Variants in SEMA4D observed in about 807,000 individuals in gnomAD.
The protein encoded by SEMA4D is semaphorin 4D, also known as semaphorin-4D.
SEMA4D carries 22 observed loss-of-function variants against 74.8 expected under a neutral mutation model. That is an observed-to-expected ratio of 0.29 (90% CI 0.21 to 0.42). SEMA4D has a LOEUF of 0.42. SEMA4D is among the 10% of genes least tolerant of loss of function. The probability of loss-of-function intolerance (pLI) is 1.00; values close to 1 mark genes in which losing one functional copy is unlikely to be tolerated. For synonymous variants in SEMA4D, 445 were observed against 463.7 expected (o/e 0.96, Z 0.52); for missense variants, 937 against 1,118.4 (o/e 0.84, Z 2.31).
At chr9:89,449,080 C>T (rs1853676569) in intron 2 of SEMA4D, among the ~76,000 whole-genome samples, 1 of 152,166 alleles carries the variant, frequency 6.6e-6, no homozygotes, top group South Asian at 2.1e-4. Flanking sequence ...AAGGGAGACA[C>T]AAGCCCGGAT....
chr9:89,444,925 T>C (rs1416363448), intron 2 of SEMA4D, among the ~76,000 whole-genome samples: 2 of 151,902 alleles, frequency 1.3e-5, no homozygotes, highest in African/African-American at 4.8e-5. Context: ...CTCCTACAGA[T>C]TGGCAAAAGA....
intron 18 of SEMA4D, chr9:89,362,580 A>T: frequency 1.5e-6 from 2 of 1,368,480 alleles, no homozygotes; most frequent in Non-Finnish European, 2.1e-6. Context: ...AAAGATCCAA[A>T]TGCCAGGAGT....
intron 16 of SEMA4D, chr9:89,365,035 G>A (rs1026833140): frequency 6.6e-6 from 1 of 152,326 alleles, no homozygotes; most frequent in Non-Finnish European, 1.5e-5. Context: ...CCCTCCAGGG[G>A]CTGCTGGCCA....
chr9:89,496,972 T>C (rs1463567938), intron 1 of SEMA4D, among the ~76,000 whole-genome samples: 1 of 152,154 alleles, frequency 6.6e-6, no homozygotes, highest in Non-Finnish European at 1.5e-5. Context: ...TGGGATGTGC[T>C]CAACACAGAG....
At chr9:89,409,348 T>C (rs1355628474) in intron 2 of SEMA4D, among the ~76,000 whole-genome samples, 2 of 152,064 alleles carry the variant, frequency 1.3e-5, no homozygotes, top group Non-Finnish European at 2.9e-5. Flanking sequence ...CAGTATGCAT[T>C]TGTCCGAGCC....
At chr9:89,483,113 C>T (rs1435661449) in intron 1 of SEMA4D, among the ~76,000 whole-genome samples, 2 of 152,226 alleles carry the variant, frequency 1.3e-5, no homozygotes, top group African/African-American at 4.8e-5. Context: ...CTGCTCCAAC[C>T]GTGCTCTTGT....
chr9:89,390,142 G>C (rs1839499647), intron 9 of SEMA4D, among the ~76,000 whole-genome samples: 1 of 152,234 alleles, frequency 6.6e-6, no homozygotes, highest in African/African-American at 2.4e-5. Context: ...AATAAGTCAA[G>C]GTCAAGGCAA....
intron 1 of SEMA4D, among the ~76,000 whole-genome samples, chr9:89,485,418 A>G (rs914935649): frequency 2.2e-4 from 33 of 152,208 alleles, no homozygotes; most frequent in African/African-American, 7.7e-4. Flanking sequence ...GCTTCTTAAC[A>G]TTCATGATTC....
chr9:89,471,583 GGCTCAGATGCATGCCA>G lies in SEMA4D; in HGVS notation c.-309-15646_-309-15631del, dbSNP rs1287120495. On this transcript the variant is annotated intron_variant, in intron 1 of 15. Transcript: ENST00000422704. ...ATACACACTGGCTCAGGTGCATGCC[GGCTCAGATGCATGCCA>G]GCTCAGGTGCACGCCAGCTCAGGTG... 3.3e-3 allele frequency among the ~76,000 whole-genome samples: 448 copies of G among 136,876 alleles called. 2 individuals carry two copies. The highest frequency in any genetic ancestry group is 0.012 in the African/African-American group (419 of 33,908). The allele number at this position is 136,876 out of a possible 152,430, so 89.8% of individuals were successfully genotyped here.
chr9:89,427,505 C>T (rs1470621699), intron 2 of SEMA4D, among the ~76,000 whole-genome samples: 1 of 152,186 alleles, frequency 6.6e-6, no homozygotes, highest in Non-Finnish European at 1.5e-5. Flanking sequence ...CTGAAGGAGT[C>T]AAGCAAACCC....
chr9:89,453,912 C>CA (rs1276518542), intron 2 of SEMA4D, among the ~76,000 whole-genome samples: 3 of 143,422 alleles, frequency 2.1e-5, no homozygotes, highest in Non-Finnish European at 3.0e-5. Context: ...GGCTGGAGTG[C>CA]AGTGGCGCGA....
intron 2 of SEMA4D, among the ~76,000 whole-genome samples, chr9:89,443,723 C>T (rs779698607): frequency 3.3e-4 from 51 of 152,368 alleles, no homozygotes; most frequent in Non-Finnish European, 5.7e-4. Context: ...AAACTCTCTA[C>T]CCTCCCTCCA....
At chr9:89,497,605 C>G (rs1193073714) in intron 1 of SEMA4D, among the ~76,000 whole-genome samples, 5 of 151,596 alleles carry the variant, frequency 3.3e-5, no homozygotes, top group Admixed American at 6.6e-5. Flanking sequence ...GAGCCACCTG[C>G]GCGCAGGGAC....
intron 2 of SEMA4D, among the ~76,000 whole-genome samples, chr9:89,427,431 G>T (rs532992121): frequency 6.6e-6 from 1 of 152,126 alleles, no homozygotes; most frequent in Non-Finnish European, 1.5e-5. Flanking sequence ...TGAGACAGCC[G>T]GGGCCTGGGG....
At position 89,363,308 on chromosome 9, in the gene SEMA4D, G is replaced by C. The variant is rs1051760438; in HGVS notation, c.2190+122C>G. ...CAGATTTCATAAAGGAAACTGCTCCGGGGCTAAGAGGGAACAAGTGGGGTC... is the reference window on the plus strand; with the variant it reads ...CAGATTTCATAAAGGAAACTGCTCCCGGGCTAAGAGGGAACAAGTGGGGTC... On this transcript the variant is annotated intron_variant, in intron 18 of 18. Transcript: ENST00000339861. The C allele has an allele frequency of 8.5e-6, 12 of 1,416,482 alleles. No individual in the cohort carries two copies. The Admixed American group carries it at 1.2e-4, about 14-fold the overall frequency. 87.7% of individuals were successfully genotyped at this position (1,416,482 alleles called of 1,614,324 possible). A position where few individuals can be genotyped will look rare whatever the true frequency, so the allele number is the denominator to read the frequency against.
In SEMA4D at chr9:89,378,515, A is replaced by G. The variant is rs1836230619; in HGVS notation, c.*189T>C. On this transcript the variant is annotated 3_prime_UTR_variant, in exon 16 of 16. Transcript: ENST00000422704. ...ATGCAATGCTTGTCATTTTTCCAAA[A>G]GGACAAAGAGAAACCAAGTCACAGG... 1 of 578,928 alleles carries G rather than the reference A, an allele frequency of 1.7e-6. No homozygotes were observed. Among genetic ancestry groups the G allele is most frequent in the Non-Finnish European group, 3.1e-6 (1 of 326,364 alleles). The allele number at this position is 578,928 out of a possible 1,614,324, so 35.9% of individuals were successfully genotyped here. A position where few individuals can be genotyped will look rare whatever the true frequency, so the allele number is the denominator to read the frequency against.
intron 6 of SEMA4D, among the ~76,000 whole-genome samples, chr9:89,394,296 G>T (rs1015391202): frequency 1.3e-5 from 2 of 152,192 alleles, no homozygotes; most frequent in Admixed American, 6.5e-5. Context: ...GAGAGAACTG[G>T]AAAGTTCCAC....
chr9:89,446,339 T>A (rs915594189), intron 2 of SEMA4D, among the ~76,000 whole-genome samples: 1 of 152,118 alleles, frequency 6.6e-6, no homozygotes, highest in African/African-American at 2.4e-5. Flanking sequence ...ACTCTAACTC[T>A]ATATAAAGTC....
At chr9:89,398,183 T>C (rs1841412083) in intron 5 of SEMA4D, among the ~76,000 whole-genome samples, 1 of 152,072 alleles carries the variant, frequency 6.6e-6, no homozygotes, top group Non-Finnish European at 1.5e-5. Context: ...TACAATCAGA[T>C]GTTGCCTTTT....
Sources: allele counts gnomAD v4.1 joint callset (sites outside exome capture counted in the v4.1 genomes callset), GRCh38; gene constraint gnomAD v4.1.1; transcripts MANE v1.5; gene names NCBI Gene and HGNC (gene_info 2026-07-23, HGNC 2026-07-21).